BCOR: variants seen among roughly 807,000 people sequenced by gnomAD.
The protein encoded by BCOR is BCL6 corepressor, also known as BCL-6 corepressor.
In BCOR, 10 loss-of-function variants were observed where a neutral mutation model predicts 86.7. The observed-to-expected ratio is 0.12, with a 90% CI of 0.07 to 0.20. BCOR has a LOEUF of 0.20. Among genes scored for constraint, BCOR ranks in the 10% least tolerant of loss-of-function variants. The pLI is 1.00. For synonymous variants in BCOR, 611 were observed against 609.0 expected (o/e 1.00, Z -0.05); for missense variants, 1,259 against 1,452.1 (o/e 0.87, Z 2.16).
chrX:40,104,009 A>AC (rs930549134), intron 1 of BCOR, among the ~76,000 whole-genome samples: 30 of 110,335 alleles, frequency 2.7e-4, no homozygotes, highest in African/African-American at 8.6e-4. Flanking sequence ...CTGACAACCC[A>AC]CCCCCCATTG....
intron 1 of BCOR, among the ~76,000 whole-genome samples, chrX:40,151,438 C>T (rs1397687165): frequency 8.8e-6 from 1 of 113,167 alleles, no homozygotes; most frequent in Admixed American, 9.3e-5. Flanking sequence ...CAGGGAGGAC[C>T]ATGGCCTTCT....
chrX:40,082,575 C>T lies in BCOR; in HGVS notation c.-40-4606G>A, dbSNP rs750562050. 2.7e-5 allele frequency among the ~76,000 whole-genome samples: 3 copies of T among 111,027 alleles called. No homozygotes were observed. The South Asian group carries it at 1.2e-3, about 43-fold the overall frequency. ...CAGCCAGTGTGCTGGGGTCCTCTGG[C>T]AGAGGACTCTTCAGGGGAGGGGTCT... is the stretch of plus-strand genomic sequence containing the variant. On this transcript the variant is annotated intron_variant, in intron 1 of 14. Coordinates refer to ENST00000378444, the MANE Select transcript of BCOR (RefSeq NM_001123385.2).
intron 1 of BCOR, among the ~76,000 whole-genome samples, chrX:40,145,331 C>T (rs978236515): frequency 2.7e-5 from 3 of 112,165 alleles, no homozygotes; most frequent in African/African-American, 9.7e-5. Flanking sequence ...TCAGCCCCTC[C>T]GCCCCGCTAG....
rs768478221 is a variant in BCOR at position 40,073,516 on chromosome X, G to A, written c.1830C>T (p.Ser610=). 8.2e-7 allele frequency: 1 copy of A among 1,212,531 alleles called. No individual in the cohort carries two copies. Among genetic ancestry groups the A allele is most frequent in the Middle Eastern group, 2.3e-4 (1 of 4,356 alleles). Residue 610 remains serine (S), a synonymous_variant, in exon 4 of 15, where the codon AGC becomes AGT. Transcript: ENST00000378444. The part of the protein sequence containing the change: ...QPPATPAKHS[S]STSSKGAKAS... The stretch of plus-strand genomic sequence containing the variant: ...CTTTGGCGCCCTTGCTGCTGGTGCT[G>A]CTACTGTGCTTGGCAGGAGTGGCCG...
chrX:40,110,143 G>C (rs1268563540), intron 1 of BCOR, among the ~76,000 whole-genome samples: 2 of 112,481 alleles, frequency 1.8e-5, no homozygotes, highest in Non-Finnish European at 3.8e-5. Flanking sequence ...TAAATACTTA[G>C]TACTCTCAGG....
chrX:40,155,737 C>G (rs1191752920), intron 1 of BCOR, among the ~76,000 whole-genome samples: 1 of 113,005 alleles, frequency 8.8e-6, no homozygotes, highest in Non-Finnish European at 1.9e-5. Context: ...CCATCAGCAA[C>G]CAGTCCAACC....
Position 40,133,868 on chromosome X carries a change from G to A in BCOR, c.-41+43139C>T, listed in dbSNP as rs762953886. On this transcript the variant is annotated intron_variant, in intron 1 of 14. Coordinates refer to the BCOR transcript ENST00000342274. ...ATCCAACCAGTAAGTACACTCATGTGTATTAACACCTTGCTAGGCTCTGTG... is the reference window on the plus strand; with the variant it reads ...ATCCAACCAGTAAGTACACTCATGTATATTAACACCTTGCTAGGCTCTGTG... 7.2e-5 allele frequency among the ~76,000 whole-genome samples: 8 copies of A among 111,328 alleles called. No homozygotes were observed. The South Asian group carries it at 2.7e-3, about 37-fold the overall frequency.
chrX:40,111,715 T>G (rs5963157), intron 1 of BCOR, among the ~76,000 whole-genome samples: 19,222 of 111,736 alleles, frequency 0.17, 3,202 homozygotes, highest in African/African-American at 0.52. Flanking sequence ...GACACATATT[T>G]GTGTGTGCAT....
intron 1 of BCOR, among the ~76,000 whole-genome samples, chrX:40,173,096 G>A (rs1170601303): frequency 8.9e-6 from 1 of 111,897 alleles, no homozygotes; most frequent in Admixed American, 9.4e-5. Context: ...ATTTTCCTTT[G>A]GAAGGTTGGG....
chrX:40,132,681 G>T (rs1397027162), intron 1 of BCOR, among the ~76,000 whole-genome samples: 1 of 112,413 alleles, frequency 8.9e-6, no homozygotes, highest in African/African-American at 3.2e-5. Flanking sequence ...GTGCAGAGGG[G>T]CTGAATAACT....
chrX:40,057,186 C>T lies in BCOR; in HGVS notation c.4564G>A (p.Asp1522Asn). ...IVRHLLEYGA[D>N]VNCSAQDGTR... Reference sequence around the variant, plus strand: ...CCATCCTGGGCACTACAGTTGACATCAGCGCCATATTCAAGGAGGTGTCGC... The same window carrying T: ...CCATCCTGGGCACTACAGTTGACATTAGCGCCATATTCAAGGAGGTGTCGC... The change falls in exon 11 of 15, where the codon GAT becomes AAT. Residue 1522 changes from aspartate (D) to asparagine (N), a missense_variant. Around this residue, in one of 7 missense-constraint regions of BCOR, gnomAD observed 47 missense variants for 102.1 expected, o/e 0.46. Coordinates refer to ENST00000378444, the MANE Select transcript of BCOR (RefSeq NM_001123385.2). The T allele has an allele frequency of 8.3e-7, 1 of 1,211,928 alleles. No individual in the cohort carries two copies. The highest frequency in any genetic ancestry group is 1.1e-6 in the Non-Finnish European group (1 of 895,585).
chrX:40,088,093 T>C (rs747009777), intron 1 of BCOR, among the ~76,000 whole-genome samples: 1 of 112,409 alleles, frequency 8.9e-6, no homozygotes, highest in South Asian at 3.7e-4. Flanking sequence ...ACACTCAGAC[T>C]TGCCCAACTC....
intron 1 of BCOR, among the ~76,000 whole-genome samples, chrX:40,158,590 C>T (rs753500846): frequency 1.8e-5 from 2 of 112,476 alleles, no homozygotes; most frequent in East Asian, 5.6e-4. Flanking sequence ...CCTCTGGTTC[C>T]CGGACTCCCG....
chrX:40,165,850 T>C (rs1234368469), intron 1 of BCOR, among the ~76,000 whole-genome samples: 1 of 111,756 alleles, frequency 8.9e-6, no homozygotes, highest in African/African-American at 3.3e-5. Context: ...CAATCTCAGC[T>C]CACTGCAGCC....
chrX:40,054,599 G>A (rs1459694982), intron 12 of BCOR, among the ~76,000 whole-genome samples: 9 of 108,599 alleles, frequency 8.3e-5, no homozygotes, highest in East Asian at 2.9e-4. Flanking sequence ...TCCACCTCCC[G>A]GGTTCAAGGG....
chrX:40,101,539 A>C (rs1162264572), upstream of BCOR, among the ~76,000 whole-genome samples: 2 of 112,900 alleles, frequency 1.8e-5, no homozygotes, highest in East Asian at 5.6e-4. Flanking sequence ...ACTCGACCTC[A>C]GGCTAACCAG....
intron 1 of BCOR, among the ~76,000 whole-genome samples, chrX:40,174,026 GGA>G (rs1235769394): frequency 1.8e-5 from 2 of 113,138 alleles, no homozygotes; most frequent in Admixed American, 9.2e-5. Flanking sequence ...GGCAAAAAGG[GGA>G]GGAGTTGCGG....
At chrX:40,143,813 G>T (rs770421088) in intron 1 of BCOR, among the ~76,000 whole-genome samples, 1 of 112,034 alleles carries the variant, frequency 8.9e-6, no homozygotes, top group South Asian at 3.7e-4. Flanking sequence ...AAAATTAGCC[G>T]GGCCTGGTGG....
chrX:40,081,115 G>A (rs1936088654), intron 1 of BCOR, among the ~76,000 whole-genome samples: 1 of 111,727 alleles, frequency 9.0e-6, no homozygotes, highest in Non-Finnish European at 1.9e-5. Flanking sequence ...ACAAGCTAAA[G>A]ACTTTTAACT....
Sources: gnomAD v4.1 joint callset for allele counts (sites outside exome capture counted in the v4.1 genomes callset) on GRCh38, gnomAD v4.1.1 for gene constraint, gnomAD v4.1.1 regional missense constraint, MANE v1.5 for transcripts, NCBI Gene and HGNC (gene_info 2026-07-23, HGNC 2026-07-21) for gene names.